Variants in RYR2 observed in about 807,000 individuals in gnomAD.
RYR2 encodes cardiac muscle ryanodine receptor-calcium release channel.
Under a neutral mutation model 601.1 loss-of-function variants are expected in RYR2, and 227 were observed. That is an observed-to-expected ratio of 0.38 (90% CI 0.34 to 0.42). The LOEUF (loss-of-function observed/expected upper bound fraction) is 0.42. Ranked by LOEUF, RYR2 falls within the 10% of genes least tolerant of loss-of-function variation. The probability of loss-of-function intolerance (pLI) is 1.00; values close to 1 mark genes in which losing one functional copy is unlikely to be tolerated. For missense variants in RYR2, 4,646 were observed against 6,156.5 expected (o/e 0.75, Z 8.21); for synonymous variants, 2,223 against 2,175.1 (o/e 1.02, Z -0.61).
chr1:237,585,358 G>A (rs1358857079), intron 29 of RYR2, among the ~76,000 whole-genome samples: 1 of 152,040 alleles, frequency 6.6e-6, no homozygotes, highest in Non-Finnish European at 1.5e-5. Flanking sequence ...TGGTTGTAAG[G>A]GTTCACCAAG....
intron 8 of RYR2, 117 bp downstream of exon 8, chr1:237,377,552 T>C (rs1223651148): frequency 2.9e-6 from 2 of 694,552 alleles, no homozygotes; most frequent in Admixed American, 4.9e-5. Context: ...TAACCATTCC[T>C]CTATCTCTAT....
intron 66 of RYR2, among the ~76,000 whole-genome samples, chr1:237,704,045 G>A (rs1688170464): frequency 6.6e-6 from 1 of 152,092 alleles, no homozygotes; most frequent in African/African-American, 2.4e-5. Flanking sequence ...GGAGAACAAG[G>A]TAGTCGAGAA....
chr1:237,213,056 G>A (rs1419104915), intron 1 of RYR2, among the ~76,000 whole-genome samples: 4 of 152,192 alleles, frequency 2.6e-5, no homozygotes, highest in Non-Finnish European at 5.9e-5. Context: ...ACAGGCGTGA[G>A]CCACCACGAC....
chr1:237,612,540 T>G (rs182959354), intron 36 of RYR2, among the ~76,000 whole-genome samples: 6 of 152,300 alleles, frequency 3.9e-5, no homozygotes, highest in Admixed American at 2.6e-4. Context: ...TTACATGAGG[T>G]AATTAGATAT....
At chr1:237,616,957 G>A (rs1199557035) in intron 37 of RYR2, among the ~76,000 whole-genome samples, 1 of 152,108 alleles carries the variant, frequency 6.6e-6, no homozygotes, top group African/African-American at 2.4e-5. Context: ...AGAACAGCAT[G>A]GGGGAAGACA....
chr1:237,193,326 G>A (rs1680208649), intron 1 of RYR2, among the ~76,000 whole-genome samples: 1 of 152,142 alleles, frequency 6.6e-6, no homozygotes, highest in African/African-American at 2.4e-5. Context: ...TATTAGCCAG[G>A]CATGGTGGCG....
At chr1:237,827,734 C>T (rs184087671) in intron 101 of RYR2, among the ~76,000 whole-genome samples, 7 of 151,420 alleles carry the variant, frequency 4.6e-5, no homozygotes, top group South Asian at 2.1e-4. Flanking sequence ...GCCAGGAGAT[C>T]GAGACCATCC....
chr1:237,162,605 C>G (rs1200060884), intron 1 of RYR2, among the ~76,000 whole-genome samples: 4 of 151,974 alleles, frequency 2.6e-5, no homozygotes, highest in African/African-American at 9.7e-5. Context: ...GTTGTTGGTG[C>G]CCAGGATACA....
At chr1:237,508,828 C>T (rs1001910908) in intron 23 of RYR2, among the ~76,000 whole-genome samples, 13 of 147,586 alleles carry the variant, frequency 8.8e-5, no homozygotes, top group Non-Finnish European at 1.8e-4. Flanking sequence ...CTGCAAGCTC[C>T]GCCTCCCGGG....
intron 1 of RYR2, among the ~76,000 whole-genome samples, chr1:237,068,014 G>C (rs910381259): frequency 4.7e-5 from 7 of 148,668 alleles, no homozygotes; most frequent in Admixed American, 1.3e-4. Context: ...TGCATACCTT[G>C]ATTTATCCAG....
Position 237,643,314 on chromosome 1 carries a change from T to A in RYR2, c.7222-13T>A. 1 of 1,607,712 alleles carries A rather than the reference T, an allele frequency of 6.2e-7. No individual in the cohort carries two copies. Among genetic ancestry groups the A allele is most frequent in the Non-Finnish European group, 8.5e-7 (1 of 1,176,766 alleles). On this transcript the variant is annotated splice_polypyrimidine_tract_variant and intron_variant, in intron 47 of 104. Transcript: ENST00000366574. ...CACAAAGTTGTTCTAATGTTTTTTT[T>A]TCCCCTGTATAGTTGATTCATGCCG... is the stretch of plus-strand genomic sequence containing the variant.
At chr1:237,444,632 G>T (rs976173235) in intron 13 of RYR2, among the ~76,000 whole-genome samples, 1 of 152,104 alleles carries the variant, frequency 6.6e-6, no homozygotes, top group Admixed American at 6.5e-5. Context: ...TGAAGGATAG[G>T]GATAGGAAGA....
At chr1:237,666,957 C>A (rs558446698) in intron 57 of RYR2, among the ~76,000 whole-genome samples, 1 of 151,894 alleles carries the variant, frequency 6.6e-6, no homozygotes, top group African/African-American at 2.4e-5. Context: ...GTGTTTCAGC[C>A]GTATAACATA....
rs553076598 is a variant in RYR2, at chr1:237,101,271, C to T, written c.48+58702C>T. On this transcript the variant is annotated intron_variant, in intron 1 of 104. Transcript: ENST00000366574. ...GGATGCCAACAGGGAAATTACCTGCCAGATTTCAGTCACTACTTTTTAGAA... is the reference window on the plus strand; with the variant it reads ...GGATGCCAACAGGGAAATTACCTGCTAGATTTCAGTCACTACTTTTTAGAA... 2.9e-3 allele frequency among the ~76,000 whole-genome samples: 408 copies of T among 139,068 alleles called. 1 individual carries two copies. The highest frequency in any genetic ancestry group is 9.1e-3 in the Middle Eastern group (2 of 220). 91.2% of individuals were successfully genotyped at this position (139,068 alleles called of 152,430 possible).
intron 71 of RYR2, among the ~76,000 whole-genome samples, chr1:237,712,792 G>A (rs1688953399): frequency 6.6e-6 from 1 of 152,164 alleles, no homozygotes; most frequent in African/African-American, 2.4e-5. Flanking sequence ...GAGGGGAGTA[G>A]CTTCCATTTA....
intron 2 of RYR2, among the ~76,000 whole-genome samples, chr1:237,317,296 C>T (rs1326701407): frequency 1.3e-5 from 2 of 152,178 alleles, no homozygotes; most frequent in Admixed American, 1.3e-4. Context: ...GGCACGTCAA[C>T]ATGGTCAAAA....
At chr1:237,483,209 T>C (rs1662309566) in intron 17 of RYR2, among the ~76,000 whole-genome samples, 1 of 152,218 alleles carries the variant, frequency 6.6e-6, no homozygotes, top group Non-Finnish European at 1.5e-5. Context: ...ATTCAGCATT[T>C]CTCTACCTCT....
intron 1 of RYR2, among the ~76,000 whole-genome samples, chr1:237,092,320 A>G (rs772522713): frequency 5.9e-5 from 9 of 152,132 alleles, no homozygotes; most frequent in Non-Finnish European, 1.2e-4. Flanking sequence ...TTGATGCCTT[A>G]TGAGTCCCTC....
At chr1:237,128,287 T>C (rs1446795506) in intron 1 of RYR2, among the ~76,000 whole-genome samples, 1 of 151,950 alleles carries the variant, frequency 6.6e-6, no homozygotes, top group African/African-American at 2.4e-5. Context: ...GTCAGGAGAA[T>C]CAGGCAGGGA....
Sources: allele counts gnomAD v4.1 joint callset (sites outside exome capture counted in the v4.1 genomes callset), GRCh38; gene constraint gnomAD v4.1.1; transcripts MANE v1.5; gene names NCBI Gene and HGNC (gene_info 2026-07-23, HGNC 2026-07-21).